RBFOX1: variants seen among roughly 807,000 people sequenced by gnomAD.
RBFOX1 encodes RNA binding fox-1 homolog 1.
RBFOX1 carries 8 observed loss-of-function variants against 57.7 expected under a neutral mutation model. That is an observed-to-expected ratio of 0.14 (90% confidence interval 0.08 to 0.25). The LOEUF (loss-of-function observed/expected upper bound fraction) is 0.25. RBFOX1 is among the 10% of genes least tolerant of loss of function. The pLI, the probability that RBFOX1 is intolerant of heterozygous loss-of-function variation, is 1.00. For synonymous variants in RBFOX1, 326 were observed against 222.4 expected, an observed-to-expected ratio of 1.47 and a Z score of -4.15; for missense variants, 611 against 548.5, an observed-to-expected ratio of 1.11 and a Z score of -1.14.
At chr16:6,830,715 A>G (rs1020899118) in intron 3 of RBFOX1, among the ~76,000 whole-genome samples, 1 of 152,184 alleles carries the variant, frequency 6.6e-6, no homozygotes, top group Non-Finnish European at 1.5e-5. Flanking sequence ...TTGCTCTATC[A>G]TGGTTAAAAT....
chr16:7,597,136 C>T (rs984395968), intron 8 of RBFOX1: 1 of 385,906 alleles, frequency 2.6e-6, no homozygotes, highest in East Asian at 4.6e-5. Flanking sequence ...ATTAAACACT[C>T]TTAATGATAT....
At chr16:7,154,951 C>T (rs753776676) in intron 4 of RBFOX1, among the ~76,000 whole-genome samples, 2 of 152,074 alleles carry the variant, frequency 1.3e-5, no homozygotes, top group Admixed American at 6.6e-5. Flanking sequence ...GTTAACTTTT[C>T]TTTAAATAAC....
At chr16:6,983,420 T>C (rs1222521460) in intron 3 of RBFOX1, among the ~76,000 whole-genome samples, 1 of 151,736 alleles carries the variant, frequency 6.6e-6, no homozygotes, top group Non-Finnish European at 1.5e-5. Flanking sequence ...ATTATCTATT[T>C]GCTGCTTCTG....
chr16:6,694,229 A>G (rs2060685342), intron 3 of RBFOX1, among the ~76,000 whole-genome samples: 1 of 152,076 alleles, frequency 6.6e-6, no homozygotes, highest in Non-Finnish European at 1.5e-5. Context: ...TATTCCACCC[A>G]TTGTGCGATT....
intron 4 of RBFOX1, among the ~76,000 whole-genome samples, chr16:7,398,352 A>G (rs942726730): frequency 6.6e-6 from 1 of 152,230 alleles, no homozygotes; most frequent in African/African-American, 2.4e-5. Flanking sequence ...GGGACAGAGA[A>G]CTATCTCAGT....
chr16:6,043,033 G>A (rs1198027992), intron 1 of RBFOX1, among the ~76,000 whole-genome samples: 3 of 146,594 alleles, frequency 2.0e-5, no homozygotes, highest in African/African-American at 5.0e-5. Context: ...ACCAAGAATC[G>A]CTTGAACCTG....
intron 4 of RBFOX1, among the ~76,000 whole-genome samples, chr16:5,921,932 G>A (rs1483044986): frequency 2.0e-5 from 3 of 151,876 alleles, no homozygotes; most frequent in Non-Finnish European, 2.9e-5. Context: ...TGGGAGGATC[G>A]CTTGAGGCTA....
chr16:6,981,262 C>G (rs533245609), intron 3 of RBFOX1, among the ~76,000 whole-genome samples: 47 of 152,020 alleles, frequency 3.1e-4, no homozygotes, highest in South Asian at 6.2e-4. Context: ...TGATTCTCCC[C>G]TCCTCCCACC....
At chr16:7,029,071 TATATATATATACACACACACAC>T (rs1466950394) in intron 3 of RBFOX1, among the ~76,000 whole-genome samples, 13 of 25,544 alleles carry the variant, frequency 5.1e-4, no homozygotes, top group African/African-American at 2.4e-3. Context: ...TATATATATA[TATATATATATACACACACACAC>T]ACACACACAC....
At chr16:6,501,257 A>T (rs1467010600) in intron 2 of RBFOX1, among the ~76,000 whole-genome samples, 1 of 147,242 alleles carries the variant, frequency 6.8e-6, no homozygotes, top group Non-Finnish European at 1.5e-5. Flanking sequence ...TTCATTTAGC[A>T]TTAGGTATAT....
intron 5 of RBFOX1, among the ~76,000 whole-genome samples, chr16:7,529,821 C>T (rs1001915971): frequency 6.6e-6 from 1 of 151,948 alleles, no homozygotes; most frequent in Non-Finnish European, 1.5e-5. Flanking sequence ...CCAGCCTAGT[C>T]AACCTAGTGA....
rs149949022 is a variant in RBFOX1, at chr16:7,214,736, C to T, written c.27+162638C>T. On this transcript the variant is annotated intron_variant, in intron 4 of 15. Transcript: ENST00000550418. ...CTGCGCGATCTTTCTTTTTGCTCTC[C>T]AGCCTAATTTTTCTCCATGGTTTCC... Among the ~76,000 whole-genome samples the T allele has an allele frequency of 3.9e-4, 59 of 152,230 alleles. No individual in the cohort carries two copies. The East Asian group carries it at 0.011, about 29-fold the overall frequency.
At chr16:6,604,472 C>G (rs1270426833) in intron 2 of RBFOX1, among the ~76,000 whole-genome samples, 8 of 152,008 alleles carry the variant, frequency 5.3e-5, no homozygotes, top group Admixed American at 5.2e-4. Context: ...AAGAAAGTAT[C>G]TGTAATTTTT....
At chr16:5,689,983 C>T (rs1018654374) in intron 3 of RBFOX1, among the ~76,000 whole-genome samples, 1 of 152,122 alleles carries the variant, frequency 6.6e-6, no homozygotes, top group African/African-American at 2.4e-5. Context: ...GGGAGTGCTG[C>T]TTGCACATGG....
chr16:6,716,407 A>T (rs1568332135), intron 3 of RBFOX1, among the ~76,000 whole-genome samples: 2 of 152,098 alleles, frequency 1.3e-5, no homozygotes. Flanking sequence ...GCCATTTCAA[A>T]GCGGTGGAAT....
intron 4 of RBFOX1, among the ~76,000 whole-genome samples, chr16:5,932,091 C>G (rs866125125): frequency 6.6e-6 from 1 of 152,200 alleles, no homozygotes; most frequent in Admixed American, 6.5e-5. Flanking sequence ...AGGAATGAGC[C>G]ACTGTGCCTG....
At chr16:5,279,061 G>C (rs949365753) in intron 1 of RBFOX1, among the ~76,000 whole-genome samples, 1 of 151,922 alleles carries the variant, frequency 6.6e-6, no homozygotes, top group Admixed American at 6.6e-5. Context: ...GTATTGCTTT[G>C]GCTATTTGGG....
intron 4 of RBFOX1, among the ~76,000 whole-genome samples, chr16:7,433,686 C>T (rs2098700118): frequency 6.6e-6 from 1 of 152,200 alleles, no homozygotes; most frequent in Non-Finnish European, 1.5e-5. Context: ...ATTCATCCAT[C>T]CCTTCTACCA....
chr16:5,537,465 T>C (rs774233067), intron 2 of RBFOX1, among the ~76,000 whole-genome samples: 3 of 152,232 alleles, frequency 2.0e-5, no homozygotes, highest in Non-Finnish European at 4.4e-5. Flanking sequence ...GCATGGGTCT[T>C]ACTGGGTTGA....
Sources: allele counts gnomAD v4.1 joint callset (sites outside exome capture counted in the v4.1 genomes callset), GRCh38; gene constraint gnomAD v4.1.1; transcripts MANE v1.5; gene names NCBI Gene and HGNC (gene_info 2026-07-23, HGNC 2026-07-21).